CREB5: variants seen among roughly 807,000 people sequenced by gnomAD.
CREB5 encodes cAMP responsive element binding protein 5.
CREB5 carries 19 observed loss-of-function variants against 57.1 expected under a neutral mutation model. The ratio of observed to expected loss-of-function variants is 0.33; its 90% CI spans 0.23 to 0.49. The LOEUF is 0.49. Ranked by LOEUF, CREB5 falls within the 20% of genes least tolerant of loss-of-function variation. CREB5 has a pLI of 0.99. For missense variants in CREB5, 579 were observed against 671.6 expected, an observed-to-expected ratio of 0.86 and a Z score of 1.52; for synonymous variants, 238 against 238.3, an observed-to-expected ratio of 1.00 and a Z score of 0.01.
chr7:28,697,881 C>T (rs1045494163), intron 5 of CREB5, among the ~76,000 whole-genome samples: 1 of 152,178 alleles, frequency 6.6e-6, no homozygotes, highest in African/African-American at 2.4e-5. Flanking sequence ...CTCCTAAATT[C>T]AGCAGGTTCT....
intron 1 of CREB5, among the ~76,000 whole-genome samples, chr7:28,311,054 G>A (rs1785267005): frequency 6.7e-6 from 1 of 149,818 alleles, no homozygotes; most frequent in South Asian, 2.1e-4. Context: ...AGCACTTTGG[G>A]AGGCTGAGGC....
At chr7:28,533,825 GTCCTCCTCTTCT>G (rs2128623460) in intron 4 of CREB5, among the ~76,000 whole-genome samples, 2 of 152,284 alleles carry the variant, frequency 1.3e-5, no homozygotes, top group East Asian at 1.9e-4. Context: ...AATCATCCTT[GTCCTCCTCTTCT>G]TCCTCCTCTT....
At chr7:28,355,985 G>T (rs377627493) in intron 1 of CREB5, among the ~76,000 whole-genome samples, 1 of 152,176 alleles carries the variant, frequency 6.6e-6, no homozygotes, top group Admixed American at 6.5e-5. Flanking sequence ...GCTGTGGCAG[G>T]TATAAAACAG....
chr7:28,571,393 C>G (rs1470493226), intron 5 of CREB5, among the ~76,000 whole-genome samples: 1 of 152,166 alleles, frequency 6.6e-6, no homozygotes, highest in Non-Finnish European at 1.5e-5. Context: ...TACTAGCCCT[C>G]TCCTTCCTGT....
chr7:28,780,765 T>A (rs1806927936), intron 7 of CREB5, among the ~76,000 whole-genome samples: 1 of 152,166 alleles, frequency 6.6e-6, no homozygotes, highest in Non-Finnish European at 1.5e-5. Context: ...CTTTCAACTC[T>A]TACTCTTGAA....
At chr7:28,507,462 G>A (rs962952657) in intron 3 of CREB5, among the ~76,000 whole-genome samples, 154 bp from the exon 4 acceptor site, 1 of 152,126 alleles carries the variant, frequency 6.6e-6, no homozygotes, top group African/African-American at 2.4e-5. Flanking sequence ...TTATTTTCTT[G>A]CATATCGTTA....
chr7:28,744,340 CTTTTTTTTTTTTTTTT>C (rs753167682), intron 7 of CREB5, among the ~76,000 whole-genome samples: 2 of 88,786 alleles, frequency 2.3e-5, no homozygotes, highest in Non-Finnish European at 4.3e-5. Flanking sequence ...TTTAGTACCT[CTTTTTTTTTTTTTTTT>C]TTTTTTTTTT....
chr7:28,481,339 G>A (rs2128589765), intron 1 of CREB5, among the ~76,000 whole-genome samples: 1 of 152,318 alleles, frequency 6.6e-6, no homozygotes, highest in African/African-American at 2.4e-5. Flanking sequence ...TATCTTTGAA[G>A]AACAGGGATA....
intron 7 of CREB5, among the ~76,000 whole-genome samples, chr7:28,772,148 C>A (rs1562630216): frequency 6.6e-6 from 1 of 152,044 alleles, no homozygotes; most frequent in Non-Finnish European, 1.5e-5. Context: ...TCAGAGAGAG[C>A]AGATACTGGT....
intron 5 of CREB5, among the ~76,000 whole-genome samples, chr7:28,608,408 C>T (rs1797247510): frequency 6.6e-6 from 1 of 152,046 alleles, no homozygotes; most frequent in Non-Finnish European, 1.5e-5. Context: ...TGTTTTTAAA[C>T]AGATGGGAGA....
At chr7:28,600,377 G>A (rs529599755) in intron 5 of CREB5, among the ~76,000 whole-genome samples, 26 of 7,762 alleles carry the variant, frequency 3.3e-3, no homozygotes, top group East Asian at 0.016. Flanking sequence ...CCAGCCTCAC[G>A]AAGCTCAGTG....
At chr7:28,436,480 G>T (rs1562714912) in intron 1 of CREB5, among the ~76,000 whole-genome samples, 1 of 152,128 alleles carries the variant, frequency 6.6e-6, no homozygotes, top group Non-Finnish European at 1.5e-5. Context: ...CTTTGGTTGG[G>T]TGGCAAGAAG....
At chr7:28,452,607 G>T (rs1000371005) in intron 1 of CREB5, among the ~76,000 whole-genome samples, 10 of 152,314 alleles carry the variant, frequency 6.6e-5, no homozygotes, top group African/African-American at 2.2e-4. Context: ...GCTTGAAGTT[G>T]TTACCATCCC....
chr7:28,473,219 G>A (rs1326962169), intron 1 of CREB5, among the ~76,000 whole-genome samples: 1 of 152,116 alleles, frequency 6.6e-6, no homozygotes, highest in African/African-American at 2.4e-5. Flanking sequence ...CTACTTGGGC[G>A]GCTGAGGTGA....
intron 5 of CREB5, among the ~76,000 whole-genome samples, chr7:28,655,012 G>T (rs1181425936): frequency 6.6e-6 from 1 of 152,092 alleles, no homozygotes; most frequent in Non-Finnish European, 1.5e-5. Context: ...CTGAGCTCAG[G>T]TGATCCTCCC....
In CREB5 at chr7:28,597,550, A is replaced by G. The variant is rs577903659; in HGVS notation, c.464+27013A>G. ...GGAGGGTCTGGTTTAGATGCAAGTC[A>G]TATTTCATGCAAATAATCCTGGGAG... On this transcript the variant is annotated intron_variant, in intron 5 of 10. Transcript: ENST00000357727. Among the ~76,000 whole-genome samples the G allele has an allele frequency of 8.5e-5, 13 of 152,356 alleles. No homozygotes were observed. In the South Asian group the frequency reaches 2.7e-3, roughly 32 times the overall value.
At chr7:28,604,360 A>C (rs1797033897) in intron 5 of CREB5, among the ~76,000 whole-genome samples, 1 of 152,146 alleles carries the variant, frequency 6.6e-6, no homozygotes, top group Non-Finnish European at 1.5e-5. Context: ...ACTTCTGTGG[A>C]TGAAAGATTA....
Position 28,390,241 on chromosome 7 carries a change from G to A in CREB5, c.-25+90800G>A, listed in dbSNP as rs112397169. Among the ~76,000 whole-genome samples, 41 of 152,092 alleles carry A rather than the reference G, an allele frequency of 2.7e-4. 1 individual carries two copies. The highest frequency in any genetic ancestry group is 2.5e-4 in the Non-Finnish European group (17 of 68,028). The stretch of plus-strand genomic sequence containing the variant: ...AAGTTTCAGCAAGAACGGTGTTCAC[G>A]GAGATAAGTTAATTAATTGCTCTGC... On this transcript the variant is annotated intron_variant, in intron 1 of 9. Transcript: ENST00000396299.
rs200626935 is a variant in CREB5 at position 28,816,063 on chromosome 7, A to G, written c.1255-2008A>G. ...CTGAAGCAAATATATACGCACACAC[A>G]CACACACACACACACACACACATAA... On this transcript the variant is annotated intron_variant, in intron 9 of 10. Coordinates refer to ENST00000357727, the MANE Select transcript of CREB5 (RefSeq NM_182898.4). Among the ~76,000 whole-genome samples the G allele has an allele frequency of 4.5e-3, 672 of 150,786 alleles. 6 individuals are homozygous for G. The highest frequency in any genetic ancestry group is 0.016 in the African/African-American group (640 of 41,242).
Sources: allele counts gnomAD v4.1 joint callset (sites outside exome capture counted in the v4.1 genomes callset), GRCh38; gene constraint gnomAD v4.1.1; transcripts MANE v1.5; gene names NCBI Gene and HGNC (gene_info 2026-07-23, HGNC 2026-07-21).